The following ANK2 variants were observed in gnomAD, a reference collection of about 807,000 sequenced individuals.
The protein encoded by ANK2 is ankyrin-2.
ANK2 carries 83 observed loss-of-function variants against 360.5 expected under a neutral mutation model. The ratio of observed to expected loss-of-function variants is 0.23; its 90% CI spans 0.19 to 0.28. The LOEUF (loss-of-function observed/expected upper bound fraction) is 0.28, where lower values mean the gene tolerates loss of function less well. ANK2 is among the 10% of genes least tolerant of loss of function. The pLI is 1.00. For synonymous variants in ANK2, 1,740 were observed against 1,759.5 expected (o/e 0.99, Z 0.28); for missense variants, 4,201 against 4,795.7 (o/e 0.88, Z 3.66).
chr4:113,125,841 G>A (rs1005454278), intron 1 of ANK2, among the ~76,000 whole-genome samples: 1 of 152,104 alleles, frequency 6.6e-6, no homozygotes, highest in Admixed American at 6.5e-5. Context: ...CAGATAATAA[G>A]AATGAAATGT....
chr4:113,354,727 C>G lies in ANK2; in HGVS notation c.6109C>G (p.Leu2037Val). 1 of 1,613,734 alleles carries G rather than the reference C, an allele frequency of 6.2e-7. No homozygotes were observed. Among genetic ancestry groups the G allele is most frequent in the Non-Finnish European group, 8.5e-7 (1 of 1,179,942 alleles). The change falls in exon 38 of 46, where the codon CTA becomes GTA. Residue 2037 changes from leucine (L) to valine (V), a missense_variant. Physicochemically the swap from Leu to Val is conservative, Grantham distance 32. This residue lies in a region of ANK2 where 2,642 missense variants were observed against 2,714.5 expected (regional missense o/e 0.97). Transcript: ENST00000357077. ...GGTAGAAAAAGAAAAGGGGCCGATA[C>G]TAACCCAGAGAGAAGCTCAGAAAAC... ...VRVEKEKGPI[L>V]TQREAQKTEN...
chr4:112,779,444 G>A, the ANK2 span, among the ~76,000 whole-genome samples: 49 of 152,190 alleles, frequency 3.2e-4, no homozygotes, highest in South Asian at 1.2e-3. Flanking sequence ...GCGTGAACCC[G>A]GGAGACGGAG....
At position 112,971,571 on chromosome 4, in the gene ANK2, G is replaced by T. The variant is rs964677561; in HGVS notation, c.21+67057G>T. 2.6e-5 allele frequency among the ~76,000 whole-genome samples: 4 copies of T among 152,334 alleles called. No individual in the cohort carries two copies. The East Asian group carries it at 7.7e-4, about 29-fold the overall frequency. The stretch of plus-strand genomic sequence containing the variant: ...TGTTGTGAATTTTCTGGCAGGCAAA[G>T]TGAATAGAATATATAAAAGGCTAGA... On this transcript the variant is annotated intron_variant, in intron 2 of 30. Transcript: ENST00000503271.
chr4:113,144,911 T>G (rs895614093), intron 1 of ANK2, among the ~76,000 whole-genome samples: 6 of 151,120 alleles, frequency 4.0e-5, no homozygotes, highest in Non-Finnish European at 8.8e-5. Flanking sequence ...AGCTTTGATT[T>G]GATCATAATT....
intron 35 of ANK2, among the ~76,000 whole-genome samples, chr4:113,347,123 T>TC (rs2094948658): frequency 1.3e-5 from 2 of 152,262 alleles, no homozygotes; most frequent in South Asian, 4.2e-4. Flanking sequence ...TACTTCTTTT[T>TC]CCCCACCACA....
chr4:112,719,540 AAC>A, the ANK2 span, among the ~76,000 whole-genome samples: 1 of 152,026 alleles, frequency 6.6e-6, no homozygotes, highest in Non-Finnish European at 1.5e-5. Context: ...CATCCTGGCT[AAC>A]ACAGTGAAAC....
intron 17 of ANK2, among the ~76,000 whole-genome samples, chr4:113,281,381 T>C (rs2062278758): frequency 6.6e-6 from 1 of 151,776 alleles, no homozygotes; most frequent in African/African-American, 2.4e-5. Context: ...CTACCAAAAA[T>C]ACAAAAAAAT....
At chr4:112,730,963 C>A in the ANK2 span, among the ~76,000 whole-genome samples, 1 of 151,580 alleles carries the variant, frequency 6.6e-6, no homozygotes, top group East Asian at 1.9e-4. Flanking sequence ...CATGGTGAAA[C>A]CCCATCTCTA....
chr4:112,713,910 G>A, the ANK2 span, among the ~76,000 whole-genome samples: 1 of 150,218 alleles, frequency 6.7e-6, no homozygotes, highest in Non-Finnish European at 1.5e-5. Context: ...CTCCAGCCTG[G>A]GCGACAGAGC....
chr4:113,305,294 C>G lies in ANK2; in HGVS notation c.2548+2455C>G, dbSNP rs905983734. Among the ~76,000 whole-genome samples, 5 of 142,380 alleles carry G rather than the reference C, an allele frequency of 3.5e-5. No individual in the cohort carries two copies. The East Asian group carries it at 1.0e-3, about 29-fold the overall frequency. The allele number at this position is 142,380 out of a possible 152,430, so 93.4% of individuals were successfully genotyped here. A position where few individuals can be genotyped will look rare whatever the true frequency, so the allele number is the denominator to read the frequency against. On this transcript the variant is annotated intron_variant, in intron 23 of 45. Coordinates refer to ENST00000357077, the MANE Select transcript of ANK2 (RefSeq NM_001148.6). ...GGCGGAGCTTGCAGTGAGCCGAGAT[C>G]CCGCCACTGCACTCCAGCCTGGGCG...
At chr4:112,774,510 G>C in the ANK2 span, among the ~76,000 whole-genome samples, 2 of 152,186 alleles carry the variant, frequency 1.3e-5, no homozygotes, top group Non-Finnish European at 2.9e-5. Flanking sequence ...CTGGGCGACA[G>C]AGCGAGACTC....
intron 18 of ANK2, among the ~76,000 whole-genome samples, chr4:113,286,856 C>A (rs2064876746): frequency 6.6e-6 from 1 of 152,178 alleles, no homozygotes; most frequent in African/African-American, 2.4e-5. Flanking sequence ...ACATATGAAA[C>A]ATACTCAAGA....
At chr4:113,098,099 G>T (rs62313780) in intron 1 of ANK2, among the ~76,000 whole-genome samples, 73,107 of 150,812 alleles carry the variant, frequency 0.48, 18,687 homozygotes, top group African/African-American at 0.63. Context: ...TGAATGAATT[G>T]TTTGGAAAAG....
chr4:113,032,665 A>G (rs1316614555), intron 2 of ANK2, among the ~76,000 whole-genome samples: 1 of 152,122 alleles, frequency 6.6e-6, no homozygotes, highest in African/African-American at 2.4e-5. Context: ...CAGTGATACC[A>G]GTGAAAGATT....
rs1222845004 is a variant in ANK2, at chr4:113,298,027, C to T, written c.2475+4489C>T. On this transcript the variant is annotated intron_variant, in intron 22 of 45. Transcript: ENST00000357077. ...TCTCAAACGATCCACCTGCCTTGGC[C>T]TCCCAAAATGCTAGGATTACAGTCC... Among the ~76,000 whole-genome samples the T allele has an allele frequency of 3.3e-5, 5 of 152,152 alleles. No homozygotes were observed. In the East Asian group the frequency reaches 5.8e-4, roughly 18 times the overall value.
chr4:113,379,335 A>G (rs1254427759), intron 45 of ANK2, among the ~76,000 whole-genome samples: 1 of 152,260 alleles, frequency 6.6e-6, no homozygotes, highest in Non-Finnish European at 1.5e-5. Flanking sequence ...ATTTGAAGCC[A>G]GGAATATAGA....
intron 4 of ANK2, among the ~76,000 whole-genome samples, chr4:113,209,251 C>CAGT (rs2098992286): frequency 6.6e-6 from 1 of 151,858 alleles, no homozygotes; most frequent in South Asian, 2.1e-4. Flanking sequence ...GAAACCTCAC[C>CAGT]AGTAGTAGTA....
chr4:113,125,745 A>AT (rs1377695926), intron 1 of ANK2, among the ~76,000 whole-genome samples: 4 of 152,028 alleles, frequency 2.6e-5, no homozygotes, highest in Admixed American at 6.6e-5. Context: ...TTTAAGATAA[A>AT]TTTTTTTTGA....
chr4:112,900,498 AT>A (rs1459862032), intron 1 of ANK2, among the ~76,000 whole-genome samples: 1 of 152,164 alleles, frequency 6.6e-6, no homozygotes, highest in Non-Finnish European at 1.5e-5. Context: ...TGCATAAAGA[AT>A]GTATTTCTTG....
Sources: gnomAD v4.1 joint callset for allele counts (sites outside exome capture counted in the v4.1 genomes callset) on GRCh38, gnomAD v4.1.1 for gene constraint, gnomAD v4.1.1 regional missense constraint, MANE v1.5 for transcripts, NCBI Gene and HGNC (gene_info 2026-07-23, HGNC 2026-07-21) for gene names.